Variants in ST6GALNAC3 observed in about 807,000 individuals in gnomAD.
The protein encoded by ST6GALNAC3 is alpha-N-acetylgalactosaminide alpha-2,6-sialyltransferase 3.
A neutral mutation model predicts 32.7 loss-of-function variants in ST6GALNAC3; 25 were observed. The observed-to-expected ratio is 0.76, with a 90% CI of 0.56 to 1.07. The LOEUF (loss-of-function observed/expected upper bound fraction) is 1.07. Among genes scored for constraint, ST6GALNAC3 ranks in the 50% least tolerant of loss-of-function variants. The pLI is 0.00. For missense variants in ST6GALNAC3, 355 were observed against 382.4 expected, an observed-to-expected ratio of 0.93 and a Z score of 0.60; for synonymous variants, 129 against 133.1, an observed-to-expected ratio of 0.97 and a Z score of 0.21.
intron 3 of ST6GALNAC3, among the ~76,000 whole-genome samples, chr1:76,537,259 A>G (rs1397169873): frequency 6.6e-6 from 1 of 152,190 alleles, no homozygotes; most frequent in East Asian, 1.9e-4. Context: ...AGAGATAAAT[A>G]ATTTCTTTAA....
intron 1 of ST6GALNAC3, among the ~76,000 whole-genome samples, chr1:76,251,594 C>T (rs1245349027): frequency 1.3e-5 from 2 of 152,136 alleles, no homozygotes; most frequent in Non-Finnish European, 2.9e-5. Context: ...TTGGTAAACT[C>T]TTAGTCATTC....
At position 76,576,759 on chromosome 1, in the gene ST6GALNAC3, A is replaced by G. The variant is rs1275735644; in HGVS notation, c.624-50693A>G. The G allele has an allele frequency of 5.7e-6, 6 of 1,048,444 alleles. No individual in the cohort carries two copies. The African/African-American group carries it at 6.6e-5, about 12-fold the overall frequency. The allele number at this position is 1,048,444 out of a possible 1,614,324, so 64.9% of individuals were successfully genotyped here. On this transcript the variant is annotated intron_variant, in intron 3 of 4. Coordinates refer to ENST00000328299, the MANE Select transcript of ST6GALNAC3 (RefSeq NM_152996.4). ...ATCAGTTTCACAGTAGGTATAAGGA[A>G]TGAGGGGGTTCTGATAGCTAAAGTA...
chr1:76,633,218 C>T lies in ST6GALNAC3; in HGVS notation c.*4412C>T, dbSNP rs1249292207. Reference sequence around the variant, plus strand: ...GTTTTCTTCTCTAGTGCTTTTTCCACTACACTTTTTAGACAGAAGAGTAGC... The same window carrying T: ...GTTTTCTTCTCTAGTGCTTTTTCCATTACACTTTTTAGACAGAAGAGTAGC... On this transcript the variant is annotated 3_prime_UTR_variant, in exon 5 of 5. Coordinates refer to ENST00000328299, the MANE Select transcript of ST6GALNAC3 (RefSeq NM_152996.4). 2 of 152,254 alleles carry T rather than the reference C, an allele frequency of 1.3e-5. No homozygotes were observed. Among genetic ancestry groups the T allele is most frequent in the Non-Finnish European group, 1.5e-5 (1 of 68,030 alleles). The allele number at this position is 152,254 out of a possible 1,614,324, so 9.4% of individuals were successfully genotyped here.
intron 1 of ST6GALNAC3, among the ~76,000 whole-genome samples, chr1:76,221,773 T>C (rs931700083): frequency 3.3e-5 from 5 of 152,184 alleles, no homozygotes; most frequent in Non-Finnish European, 7.4e-5. Flanking sequence ...CTCTTTATGC[T>C]CCCTACAATG....
Position 76,225,560 on chromosome 1 carries a change from G to A in ST6GALNAC3, c.19-88245G>A, listed in dbSNP as rs796103494. Among the ~76,000 whole-genome samples the A allele has an allele frequency of 2.6e-4, 40 of 152,236 alleles. 1 individual carries two copies. The highest frequency in any genetic ancestry group is 8.9e-4 in the African/African-American group (37 of 41,560). On this transcript the variant is annotated intron_variant, in intron 1 of 4. Transcript: ENST00000328299. Reference sequence around the variant, plus strand: ...AGCATTTAAGGCCACCAAAGGGAACGTTTTCTGTGTTACTGTTTATTCAGG... The same window carrying A: ...AGCATTTAAGGCCACCAAAGGGAACATTTTCTGTGTTACTGTTTATTCAGG...
chr1:76,227,512 G>C (rs892069365), intron 1 of ST6GALNAC3, among the ~76,000 whole-genome samples: 1 of 152,136 alleles, frequency 6.6e-6, no homozygotes, highest in Admixed American at 6.6e-5. Context: ...CACAGAGACA[G>C]TTCTCAGTAA....
intron 1 of ST6GALNAC3, among the ~76,000 whole-genome samples, chr1:76,217,467 T>C (rs1361737126): frequency 2.0e-5 from 3 of 152,226 alleles, no homozygotes; most frequent in Non-Finnish European, 4.4e-5. Flanking sequence ...TCCTCTTCCC[T>C]ATCCAGGTTG....
chr1:76,266,827 C>A (rs777530373), intron 1 of ST6GALNAC3, among the ~76,000 whole-genome samples: 5 of 152,200 alleles, frequency 3.3e-5, no homozygotes, highest in African/African-American at 4.8e-5. Flanking sequence ...ATTTGTCTCT[C>A]CAGCCATGTG....
intron 3 of ST6GALNAC3, among the ~76,000 whole-genome samples, chr1:76,432,698 C>A (rs1272528561): frequency 6.6e-6 from 1 of 151,684 alleles, no homozygotes; most frequent in Non-Finnish European, 1.5e-5. Context: ...CTTAAGTGAC[C>A]CTCCCACCTT....
At chr1:76,352,280 G>A (rs1475339120) in intron 2 of ST6GALNAC3, among the ~76,000 whole-genome samples, 2 of 151,706 alleles carry the variant, frequency 1.3e-5, no homozygotes, top group Admixed American at 6.6e-5. Context: ...GACATCATCA[G>A]TGGTCAACAT....
At chr1:76,247,009 ATGT>A (rs1657300737) in intron 1 of ST6GALNAC3, among the ~76,000 whole-genome samples, 1 of 151,578 alleles carries the variant, frequency 6.6e-6, no homozygotes, top group Admixed American at 6.6e-5. Context: ...TTTTTTGTTG[ATGT>A]TGTTGTTGCT....
chr1:76,519,943 A>G (rs1346635873), intron 3 of ST6GALNAC3, among the ~76,000 whole-genome samples: 1 of 151,744 alleles, frequency 6.6e-6, no homozygotes, highest in Non-Finnish European at 1.5e-5. Flanking sequence ...TTTCATATAT[A>G]TTTATACACT....
chr1:76,229,545 A>G (rs1267404084), intron 1 of ST6GALNAC3, among the ~76,000 whole-genome samples: 1 of 152,206 alleles, frequency 6.6e-6, no homozygotes, highest in Non-Finnish European at 1.5e-5. Context: ...TGCCTCTAGC[A>G]AGCTCAGAAT....
chr1:76,390,574 G>T (rs923768951), intron 2 of ST6GALNAC3, among the ~76,000 whole-genome samples: 2 of 152,120 alleles, frequency 1.3e-5, no homozygotes, highest in African/African-American at 4.8e-5. Context: ...GCTCCCAAGG[G>T]CTTTTGGCTC....
chr1:76,456,218 A>G (rs1314662097), intron 3 of ST6GALNAC3, among the ~76,000 whole-genome samples: 5 of 152,198 alleles, frequency 3.3e-5, no homozygotes. Flanking sequence ...AAGTAACTGT[A>G]AACCACAGTA....
In ST6GALNAC3 at chr1:76,631,325, T is replaced by A. The variant is rs571197430; in HGVS notation, c.*2519T>A. 1 of 152,104 alleles carries A rather than the reference T, an allele frequency of 6.6e-6. No individual in the cohort carries two copies. Among genetic ancestry groups the A allele is most frequent in the Admixed American group, 6.6e-5 (1 of 15,240 alleles). The allele number at this position is 152,104 out of a possible 1,614,324, so 9.4% of individuals were successfully genotyped here. ...AACAAAAAAAAAAAAAAACAAGTTT[T>A]TCTCAATTTGGAGACTCAATTGAAT... On this transcript the variant is annotated 3_prime_UTR_variant, in exon 5 of 5. Transcript: ENST00000328299.
intron 1 of ST6GALNAC3, among the ~76,000 whole-genome samples, chr1:76,160,688 T>C (rs1651749882): frequency 6.6e-6 from 1 of 152,144 alleles, no homozygotes; most frequent in African/African-American, 2.4e-5. Context: ...ATTGCTTCCA[T>C]CACGGAGAAA....
chr1:76,204,939 C>T (rs975275858), intron 1 of ST6GALNAC3, among the ~76,000 whole-genome samples: 2 of 152,140 alleles, frequency 1.3e-5, no homozygotes, highest in Non-Finnish European at 2.9e-5. Context: ...TTGATATATG[C>T]AAATGTGCTT....
chr1:76,212,417 C>G (rs1039103479), intron 1 of ST6GALNAC3, among the ~76,000 whole-genome samples: 1 of 152,124 alleles, frequency 6.6e-6, no homozygotes, highest in African/African-American at 2.4e-5. Flanking sequence ...TGCTTGTAGA[C>G]ATCATGTTGA....
Sources: gnomAD v4.1 joint callset for allele counts (sites outside exome capture counted in the v4.1 genomes callset) on GRCh38, gnomAD v4.1.1 for gene constraint, MANE v1.5 for transcripts, NCBI Gene and HGNC (gene_info 2026-07-23, HGNC 2026-07-21) for gene names.